Variants in PINX1 observed in about 807,000 individuals in gnomAD.
PINX1 encodes the protein PIN2 (TERF1) interacting telomerase inhibitor 1, also known as PIN2/TERF1-interacting telomerase inhibitor 1.
PINX1 carries 34 observed loss-of-function variants against 25.4 expected under a neutral mutation model. The ratio of observed to expected loss-of-function variants is 1.34; its 90% confidence interval spans 1.02 to 1.78. The LOEUF (loss-of-function observed/expected upper bound fraction) is 1.78. Among genes scored for constraint, PINX1 ranks in the 40% most tolerant of loss-of-function variants. The pLI is 0.00. For missense variants in PINX1, 592 were observed against 404.9 expected (o/e 1.46, Z -3.97); for synonymous variants, 197 against 147.7 (o/e 1.33, Z -2.42).
intron 6 of PINX1, chr8:10,787,562 G>A (rs1801791447): frequency 4.2e-6 from 1 of 236,574 alleles, no homozygotes; most frequent in Non-Finnish European, 8.4e-6. Context: ...TTTTGAAAGA[G>A]TTTACAATAT....
At position 10,811,608 on chromosome 8, in the gene PINX1, A is replaced by G. The variant is rs114081969; in HGVS notation, c.471+8585T>C. 4.5e-3 allele frequency among the ~76,000 whole-genome samples: 687 copies of G among 152,214 alleles called. 3 individuals carry two copies. Among genetic ancestry groups the G allele is most frequent in the African/African-American group, 0.016 (657 of 41,538 alleles). ...TCCTGGCTCAGGGTCTCTCACGCGG[A>G]TATTGTCAAAAGGTGGGGAGAGCTA... On this transcript the variant is annotated intron_variant, in intron 6 of 6. Coordinates refer to ENST00000314787, the MANE Select transcript of PINX1 (RefSeq NM_017884.6).
At chr8:10,814,432 T>C (rs562434707) in intron 6 of PINX1, among the ~76,000 whole-genome samples, 1 of 152,268 alleles carries the variant, frequency 6.6e-6, no homozygotes, top group East Asian at 1.9e-4. Flanking sequence ...CTTCAAGCAG[T>C]AGGAATGCTT....
At chr8:10,839,656 C>T (rs933675400) in intron 1 of PINX1, 82 bp downstream of exon 1, 29 of 1,444,390 alleles carry the variant, frequency 2.0e-5, no homozygotes, top group Non-Finnish European at 2.7e-5. Flanking sequence ...AACCCGAGCT[C>T]CCAGCCACTC....
At chr8:10,781,407 G>T (rs556211253) in intron 6 of PINX1, among the ~76,000 whole-genome samples, 1 of 152,104 alleles carries the variant, frequency 6.6e-6, no homozygotes, top group Non-Finnish European at 1.5e-5. Context: ...ACAATGAAAA[G>T]GCAACCTACA....
chr8:10,800,046 C>CT (rs746328039), intron 6 of PINX1, among the ~76,000 whole-genome samples: 5 of 152,330 alleles, frequency 3.3e-5, no homozygotes, highest in Non-Finnish European at 4.4e-5. Context: ...ATCCCGGACT[C>CT]TTTCTACTAC....
rs917372478 is a variant in PINX1 at position 10,774,224 on chromosome 8, C to T, written c.472-8308G>A. 5.3e-5 allele frequency among the ~76,000 whole-genome samples: 8 copies of T among 152,020 alleles called. No homozygotes were observed. In the East Asian group the frequency reaches 1.4e-3, roughly 26 times the overall value. On this transcript the variant is annotated intron_variant, in intron 6 of 6. Transcript: ENST00000314787. ...TGTAGGCTCCTTACTATAGAAAGCA[C>T]AGCAGTTCTTGAAGATTCTATTAAA... is the stretch of plus-strand genomic sequence containing the variant.
rs147793165 is a variant in PINX1 at position 10,823,702 on chromosome 8, C to T, written c.394+2450G>A. Among the ~76,000 whole-genome samples the T allele has an allele frequency of 1.3e-3, 198 of 152,276 alleles. 1 individual carries two copies. The highest frequency in any genetic ancestry group is 4.6e-3 in the African/African-American group (191 of 41,550). On this transcript the variant is annotated intron_variant, in intron 5 of 6. Coordinates refer to ENST00000314787, the MANE Select transcript of PINX1 (RefSeq NM_017884.6). ...AACCAACCAGGTGCAGTGGCTCACA[C>T]CTGTAGTCCCAGCACGCTGGGAGGC...
intron 6 of PINX1, among the ~76,000 whole-genome samples, chr8:10,784,035 T>C (rs530876658): frequency 6.6e-6 from 1 of 152,302 alleles, no homozygotes; most frequent in East Asian, 1.9e-4. Flanking sequence ...AGAATCCCTA[T>C]AAAGAGTCTA....
chr8:10,784,354 A>C (rs947465514), intron 6 of PINX1, among the ~76,000 whole-genome samples: 2 of 152,222 alleles, frequency 1.3e-5, no homozygotes, highest in Non-Finnish European at 1.5e-5. Flanking sequence ...ATCCAATCTA[A>C]AACTTTTAAC....
At position 10,817,263 on chromosome 8, in the gene PINX1, A is replaced by T. The variant is rs77324658; in HGVS notation, c.471+2930T>A. ...GCAACACCTTGGCCTCTGCAATGCC[A>T]AATATAAATCCAGACCGACGGAGCT... On this transcript the variant is annotated intron_variant, in intron 6 of 6. Transcript: ENST00000314787. 5.3e-3 allele frequency among the ~76,000 whole-genome samples: 813 copies of T among 152,272 alleles called. 5 individuals are homozygous for T. The highest frequency in any genetic ancestry group is 0.019 in the African/African-American group (771 of 41,556).
chr8:10,804,700 A>G (rs1271893042), intron 6 of PINX1, among the ~76,000 whole-genome samples: 1 of 151,986 alleles, frequency 6.6e-6, no homozygotes, highest in Non-Finnish European at 1.5e-5. Context: ...AAGCAAGATG[A>G]ATGCTGGAGG....
At chr8:10,780,526 A>C (rs948098110) in intron 6 of PINX1, among the ~76,000 whole-genome samples, 7 of 152,172 alleles carry the variant, frequency 4.6e-5, no homozygotes, top group African/African-American at 1.7e-4. Flanking sequence ...TACACAGTTA[A>C]ACCAGCCTTG....
chr8:10,775,771 C>T (rs530895456), intron 6 of PINX1, among the ~76,000 whole-genome samples: 84 of 152,282 alleles, frequency 5.5e-4, no homozygotes, highest in African/African-American at 1.3e-3. Context: ...GACAAGTCAC[C>T]GGCCTTTCCA....
At chr8:10,808,956 T>G (rs1417564047) in intron 6 of PINX1, among the ~76,000 whole-genome samples, 4 of 152,244 alleles carry the variant, frequency 2.6e-5, no homozygotes, top group Non-Finnish European at 5.9e-5. Flanking sequence ...CTAAGTTTCC[T>G]TGATATATGA....
At chr8:10,832,669 T>C (rs1310593770) in intron 3 of PINX1, among the ~76,000 whole-genome samples, 1 of 152,184 alleles carries the variant, frequency 6.6e-6, no homozygotes, top group Non-Finnish European at 1.5e-5. Context: ...TCAGTTTAGA[T>C]CCTTTCCAAA....
intron 6 of PINX1, among the ~76,000 whole-genome samples, chr8:10,774,451 T>C (rs1391730265): frequency 6.6e-6 from 1 of 152,118 alleles, no homozygotes. Flanking sequence ...CCAGCTAATT[T>C]TGTATTTTTA....
chr8:10,789,118 C>G (rs1393122524), intron 6 of PINX1, among the ~76,000 whole-genome samples: 2 of 152,188 alleles, frequency 1.3e-5, no homozygotes, highest in Non-Finnish European at 2.9e-5. Flanking sequence ...GATGAGCAGG[C>G]ATCTCATAGG....
chr8:10,766,017 C>T (rs1801031964), intron 6 of PINX1, 101 bp from the exon 7 acceptor site: 7 of 1,164,144 alleles, frequency 6.0e-6, no homozygotes, highest in South Asian at 1.4e-5. Flanking sequence ...CTGGCACCCA[C>T]ACCCGGCGCT....
intron 4 of PINX1, among the ~76,000 whole-genome samples, chr8:10,830,571 A>G (rs922370634): frequency 1.3e-5 from 2 of 152,230 alleles, no homozygotes; most frequent in African/African-American, 4.8e-5. Flanking sequence ...GATTATTCAC[A>G]CATGACACAC....
Sources: allele counts gnomAD v4.1 joint callset (sites outside exome capture counted in the v4.1 genomes callset), GRCh38; gene constraint gnomAD v4.1.1; transcripts MANE v1.5; gene names NCBI Gene and HGNC (gene_info 2026-07-23, HGNC 2026-07-21).